COL13A1: variants seen among roughly 807,000 people sequenced by gnomAD.
COL13A1 encodes collagen alpha-1(XIII) chain.
A neutral mutation model predicts 130.9 loss-of-function variants in COL13A1; 89 were observed. The observed-to-expected ratio is 0.68, with a 90% confidence interval of 0.57 to 0.81. The LOEUF is 0.81. Ranked by LOEUF, COL13A1 falls within the 30% of genes least tolerant of loss-of-function variation. The probability of loss-of-function intolerance (pLI) is 0.00; values close to 1 mark genes in which losing one functional copy is unlikely to be tolerated. For synonymous variants in COL13A1, 402 were observed against 341.6 expected, an observed-to-expected ratio of 1.18 and a Z score of -1.95; for missense variants, 879 against 934.6, an observed-to-expected ratio of 0.94 and a Z score of 0.78.
chr10:69,875,696 G>A (rs1314476558), intron 5 of COL13A1, among the ~76,000 whole-genome samples: 1 of 152,254 alleles, frequency 6.6e-6, no homozygotes, highest in East Asian at 1.9e-4. Context: ...GTTTCTTGCA[G>A]GAAAGTGAAG....
rs534235131 is a variant in COL13A1, at chr10:69,887,548, G to A, written c.549+57G>A. 14 of 1,581,036 alleles carry A rather than the reference G, an allele frequency of 8.9e-6. No homozygotes were observed. In the South Asian group the frequency reaches 1.6e-4, roughly 18 times the overall value. ...CCAGGTGGTCTGTAGGCCTGATTGG[G>A]TTAAACTTCATCTGAGGTCAGCCCC... On this transcript the variant is annotated intron_variant, in intron 8 of 40. Transcript: ENST00000645393.
intron 13 of COL13A1, chr10:69,897,617 C>A (rs1159971825): frequency 1.6e-5 from 23 of 1,470,580 alleles, no homozygotes; most frequent in Non-Finnish European, 2.1e-5. Context: ...TCCCCAGGCC[C>A]CGGCAGTGGG....
intron 1 of COL13A1, among the ~76,000 whole-genome samples, chr10:69,809,895 C>T (rs1021720560): frequency 1.3e-5 from 2 of 152,218 alleles, no homozygotes; most frequent in African/African-American, 4.8e-5. Flanking sequence ...TTGTTCTTGT[C>T]TCTCGGACTC....
chr10:69,868,653 A>G (rs1436883459), intron 3 of COL13A1, among the ~76,000 whole-genome samples: 2 of 152,190 alleles, frequency 1.3e-5, no homozygotes, highest in African/African-American at 2.4e-5. Context: ...TCCTTGGAGA[A>G]GTCATTTCCA....
chr10:69,923,247 A>C (rs1217561844), intron 23 of COL13A1, among the ~76,000 whole-genome samples: 1 of 152,158 alleles, frequency 6.6e-6, no homozygotes, highest in African/African-American at 2.4e-5. Context: ...AGCTGGCCCC[A>C]CCTGGTACCA....
At chr10:69,859,709 G>A (rs1333954960) in intron 2 of COL13A1, among the ~76,000 whole-genome samples, 1 of 152,242 alleles carries the variant, frequency 6.6e-6, no homozygotes, top group Non-Finnish European at 1.5e-5. Flanking sequence ...AGGACCACTT[G>A]CCCCTCCCAG....
chr10:69,888,751 G>A (rs927414522), intron 9 of COL13A1, among the ~76,000 whole-genome samples: 9 of 152,188 alleles, frequency 5.9e-5, no homozygotes, highest in Non-Finnish European at 8.8e-5. Flanking sequence ...CTCCCTCCCC[G>A]ATTGAGACCC....
At chr10:69,885,371 A>G (rs1294489117) in intron 7 of COL13A1, among the ~76,000 whole-genome samples, 1 of 152,240 alleles carries the variant, frequency 6.6e-6, no homozygotes, top group Non-Finnish European at 1.5e-5. Context: ...AGAAACAGGC[A>G]GAGAAATATT....
rs1471187831 is a variant in COL13A1, at chr10:69,856,926, A to C, written c.365-10872A>C. On this transcript the variant is annotated intron_variant, in intron 2 of 40. Coordinates refer to ENST00000645393, the MANE Select transcript of COL13A1 (RefSeq NM_001368882.1). ...TGAGGGGTCAGAGCCAGCAAAGTGC[A>C]ACGGGCAAGGCTCATCCCTGATTGA... is the stretch of plus-strand genomic sequence containing the variant. 2.0e-5 allele frequency among the ~76,000 whole-genome samples: 3 copies of C among 152,222 alleles called. No homozygotes were observed. In the East Asian group the frequency reaches 5.8e-4, roughly 29 times the overall value.
At position 69,905,927 on chromosome 10, in the gene COL13A1, G is replaced by A. The variant is rs181631395; in HGVS notation, c.921+105G>A. The A allele has an allele frequency of 2.1e-5, 26 of 1,255,360 alleles. No individual in the cohort carries two copies. In the Admixed American group the frequency reaches 5.1e-4, roughly 25 times the overall value. The allele number at this position is 1,255,360 out of a possible 1,614,324, so 77.8% of individuals were successfully genotyped here. A position where few individuals can be genotyped will look rare whatever the true frequency, so the allele number is the denominator to read the frequency against. On this transcript the variant is annotated intron_variant, in intron 17 of 40. Coordinates refer to ENST00000645393, the MANE Select transcript of COL13A1 (RefSeq NM_001368882.1). ...TCTCTCCCTTCCAACCTAGGTGGCT[G>A]TGCCTGTAGTGAGGCAGGCCAGGTT...
At chr10:69,866,111 C>T (rs528089737) in intron 2 of COL13A1, among the ~76,000 whole-genome samples, 4 of 152,310 alleles carry the variant, frequency 2.6e-5, no homozygotes, top group East Asian at 1.9e-4. Flanking sequence ...GAATTTATAT[C>T]CTCCAGGGGT....
intron 27 of COL13A1, 89 bp downstream of exon 27, chr10:69,927,199 C>A: frequency 1.3e-6 from 2 of 1,585,972 alleles, no homozygotes; most frequent in South Asian, 1.1e-5. Context: ...TTTCTCCCCT[C>A]CAGAAAGCAG....
intron 17 of COL13A1, among the ~76,000 whole-genome samples, chr10:69,907,401 G>T (rs192039906): frequency 6.6e-6 from 1 of 152,178 alleles, no homozygotes; most frequent in Non-Finnish European, 1.5e-5. Context: ...CTGGGAAGCC[G>T]ACAGTCAAGG....
intron 1 of COL13A1, among the ~76,000 whole-genome samples, chr10:69,812,378 A>G (rs1310696946): frequency 6.6e-6 from 1 of 152,140 alleles, no homozygotes; most frequent in African/African-American, 2.4e-5. Context: ...CTTAGGTTAT[A>G]CCTCTGTAAA....
At chr10:69,943,975 G>A (rs921401404) in intron 35 of COL13A1, 150 bp from the exon 36 acceptor site, 16 of 638,798 alleles carry the variant, frequency 2.5e-5, no homozygotes, top group Non-Finnish European at 4.0e-5. Flanking sequence ...GAGGATCACG[G>A]CCCAGTCGAA....
chr10:69,936,183 A>G (rs868689816), intron 32 of COL13A1, among the ~76,000 whole-genome samples: 1 of 114,420 alleles, frequency 8.7e-6, no homozygotes, highest in Non-Finnish European at 1.9e-5. Context: ...GAAGGAAAGG[A>G]AAGGAAGGAA....
At chr10:69,937,100 C>T (rs765600930) in intron 33 of COL13A1, among the ~76,000 whole-genome samples, 1 of 152,194 alleles carries the variant, frequency 6.6e-6, no homozygotes, top group Non-Finnish European at 1.5e-5. Flanking sequence ...AGAGAGACAG[C>T]AACATAGGGT....
chr10:69,896,940 A>C (rs2061706569), intron 13 of COL13A1, among the ~76,000 whole-genome samples: 1 of 152,238 alleles, frequency 6.6e-6, no homozygotes, highest in Non-Finnish European at 1.5e-5. Context: ...ATGTTACCCG[A>C]AAGAAAGACA....
At chr10:69,905,007 G>T in intron 16 of COL13A1, 48 bp downstream of exon 16, 4 of 1,548,514 alleles carry the variant, frequency 2.6e-6, no homozygotes, top group Non-Finnish European at 3.5e-6. Flanking sequence ...AGAATTCCCT[G>T]CAGGAGGGAG....
Sources: gnomAD v4.1 joint callset for allele counts (sites outside exome capture counted in the v4.1 genomes callset) on GRCh38, gnomAD v4.1.1 for gene constraint, MANE v1.5 for transcripts, NCBI Gene and HGNC (gene_info 2026-07-23, HGNC 2026-07-21) for gene names.